MPP3: variants seen among roughly 807,000 people sequenced by gnomAD.
MPP3 encodes the protein MAGUK p55 subfamily member 3.
Under a neutral mutation model 80.7 loss-of-function variants are expected in MPP3, and 48 were observed. That is an observed-to-expected ratio of 0.59 (90% CI 0.47 to 0.76). MPP3 has a LOEUF of 0.76. Among genes scored for constraint, MPP3 ranks in the 30% least tolerant of loss-of-function variants. The pLI, the probability that MPP3 is intolerant of heterozygous loss-of-function variation, is 0.00. For missense variants in MPP3, 620 were observed against 763.0 expected, an observed-to-expected ratio of 0.81 and a Z score of 2.21; for synonymous variants, 311 against 297.6, an observed-to-expected ratio of 1.04 and a Z score of -0.46.
At chr17:43,802,277 A>C (rs1481584826) in intron 19 of MPP3, among the ~76,000 whole-genome samples, 2 of 152,240 alleles carry the variant, frequency 1.3e-5, no homozygotes, top group Non-Finnish European at 2.9e-5. Flanking sequence ...AGGTTAAATA[A>C]TTATAAGAAA....
intron 16 of MPP3, chr17:43,811,414 A>C (rs1307007835): frequency 5.3e-6 from 3 of 565,152 alleles, no homozygotes; most frequent in Non-Finnish European, 9.5e-6. Context: ...TGTAGGCAAA[A>C]GGAGGCTTTT....
chr17:43,824,604 C>T (rs1465352298), intron 9 of MPP3, among the ~76,000 whole-genome samples: 1 of 152,116 alleles, frequency 6.6e-6, no homozygotes, highest in African/African-American at 2.4e-5. Context: ...ACCAGGACAG[C>T]AGGGCCCAAA....
intron 6 of MPP3, 89 bp downstream of exon 6, chr17:43,829,938 T>G: frequency 6.5e-7 from 1 of 1,542,690 alleles, no homozygotes; most frequent in South Asian, 1.1e-5. Flanking sequence ...TCCCTCAGTC[T>G]CCACTCCTCA....
At chr17:43,818,976 C>T (rs1051236541) in intron 11 of MPP3, 1 of 151,918 alleles carries the variant, frequency 6.6e-6, no homozygotes, top group Admixed American at 6.6e-5. Context: ...TCCCCCACAT[C>T]CTCTGGTAAG....
At position 43,817,046 on chromosome 17, in the gene MPP3, ACT is replaced by A. The variant is rs778178792; in HGVS notation, c.947-351_947-350del. On this transcript the variant is annotated intron_variant, in intron 12 of 19. Transcript: ENST00000398389. Reference sequence around the variant, plus strand: ...GGATCCTGCGGTGGGAATAGGACCCACTCTCTCTTTTCTGGGGTTGGAGTCTG... The same window carrying A: ...GGATCCTGCGGTGGGAATAGGACCCACTCTCTTTTCTGGGGTTGGAGTCTG... Among the ~76,000 whole-genome samples the A allele has an allele frequency of 8.6e-5, 13 of 152,010 alleles. No individual in the cohort carries two copies. In the East Asian group the frequency reaches 1.2e-3, roughly 14 times the overall value.
At chr17:43,810,054 G>C (rs746988873) in intron 18 of MPP3, among the ~76,000 whole-genome samples, 31 of 152,168 alleles carry the variant, frequency 2.0e-4, no homozygotes, top group South Asian at 1.5e-3. Context: ...TTTTAATTTT[G>C]ATCACTAACT....
chr17:43,818,317 A>C (rs1455307778), intron 11 of MPP3, among the ~76,000 whole-genome samples: 1 of 152,146 alleles, frequency 6.6e-6, no homozygotes, highest in Non-Finnish European at 1.5e-5. Context: ...GAAGAAACTG[A>C]GTCTCTTGCT....
chr17:43,806,421 C>T (rs1025392744), intron 19 of MPP3, among the ~76,000 whole-genome samples: 7 of 152,158 alleles, frequency 4.6e-5, no homozygotes, highest in African/African-American at 1.7e-4. Context: ...CCACCTCAGC[C>T]TCCCAAAGTG....
At position 43,825,762 on chromosome 17, in the gene MPP3, C is replaced by T; in HGVS notation, c.603G>A (p.Gln201=). ...VLHKRPDEIS[Q]ILAQSQGSIT... The stretch of plus-strand genomic sequence containing the variant: ...GCAGGCTTGTAGCACGGACCAGAAT[C>T]TGGCTGATCTCGTCGGGCCGCTTGT... Residue 201 remains glutamine, a synonymous_variant, in exon 9 of 20, where the codon CAG becomes CAA. Transcript: ENST00000398389. 2 of 1,609,934 alleles carry T rather than the reference C, an allele frequency of 1.2e-6. No homozygotes were observed. The highest frequency in any genetic ancestry group is 1.1e-5 in the South Asian group (1 of 91,002).
chr17:43,829,018 G>A (rs1171477694), intron 7 of MPP3, among the ~76,000 whole-genome samples: 1 of 152,204 alleles, frequency 6.6e-6, no homozygotes, highest in Non-Finnish European at 1.5e-5. Context: ...GGATCCTCTG[G>A]AGCCAATCTC....
At chr17:43,823,697 C>A (rs1366288794) in intron 10 of MPP3, among the ~76,000 whole-genome samples, 1 of 152,202 alleles carries the variant, frequency 6.6e-6, no homozygotes, top group African/African-American at 2.4e-5. Flanking sequence ...ATTAAAATAA[C>A]CTTGTCTTTT....
In MPP3 at chr17:43,825,739, A is replaced by G; in HGVS notation, c.609+17T>C. On this transcript the variant is annotated intron_variant, in intron 9 of 19. Coordinates refer to ENST00000398389, the MANE Select transcript of MPP3 (RefSeq NM_001932.6). ...TCTGAAGACCCAGCACATCCCTAGCAGGCTTGTAGCACGGACCAGAATCTG... is the reference window on the plus strand; with the variant it reads ...TCTGAAGACCCAGCACATCCCTAGCGGGCTTGTAGCACGGACCAGAATCTG... 6.4e-7 allele frequency: 1 copy of G among 1,562,350 alleles called. No homozygotes were observed. Among genetic ancestry groups the G allele is most frequent in the Non-Finnish European group, 8.8e-7 (1 of 1,132,570 alleles).
At chr17:43,821,137 G>A (rs1195112293) in intron 10 of MPP3, 79 bp from the exon 11 acceptor site, 5 of 1,393,340 alleles carry the variant, frequency 3.6e-6, no homozygotes, top group Non-Finnish European at 5.0e-6. Flanking sequence ...AAGGCCACAT[G>A]ACAACGACCA....
intron 10 of MPP3, among the ~76,000 whole-genome samples, chr17:43,822,582 C>G (rs1298152088): frequency 6.6e-6 from 1 of 150,704 alleles, no homozygotes; most frequent in Non-Finnish European, 1.5e-5. Flanking sequence ...TTCTACCAGG[C>G]CTCCCTGCCT....
chr17:43,824,490 C>T (rs933585584), intron 9 of MPP3, among the ~76,000 whole-genome samples: 3 of 152,188 alleles, frequency 2.0e-5, no homozygotes, highest in Non-Finnish European at 4.4e-5. Flanking sequence ...TTCCATCTCC[C>T]CAGTCTCAGG....
Position 43,830,115 on chromosome 17 carries a change from G to C in MPP3, c.223-8C>G. On this transcript the variant is annotated splice_polypyrimidine_tract_variant and splice_region_variant and intron_variant, in intron 5 of 19. Transcript: ENST00000398389. ...CTGCAACTCCTCCATCACCTGCAGAGAATGAGACAGGCGCCACTGATGGCT... is the reference window on the plus strand; with the variant it reads ...CTGCAACTCCTCCATCACCTGCAGACAATGAGACAGGCGCCACTGATGGCT... 18 of 1,523,800 alleles carry C rather than the reference G, an allele frequency of 1.2e-5. No individual in the cohort carries two copies. The highest frequency in any genetic ancestry group is 1.6e-5 in the Non-Finnish European group (18 of 1,136,188). The allele number at this position is 1,523,800 out of a possible 1,614,324, so 94.4% of individuals were successfully genotyped here. A position where few individuals can be genotyped will look rare whatever the true frequency, so the allele number is the denominator to read the frequency against.
rs1037184473 is a variant in MPP3 at position 43,814,397 on chromosome 17, G to A, written c.1010-36C>T. The A allele has an allele frequency of 2.6e-6, 4 of 1,554,894 alleles. No homozygotes were observed. The East Asian group carries it at 9.0e-5, about 35-fold the overall frequency. ...GGGGCAGAGGGACACCATGGCATTT[G>A]TCCCAGTTGTCCCAGGATCTCCCAG... On this transcript the variant is annotated intron_variant, in intron 14 of 19. Transcript: ENST00000398389.
At chr17:43,831,780 A>C in intron 3 of MPP3, 102 bp downstream of exon 3, 1 of 1,435,116 alleles carries the variant, frequency 7.0e-7, no homozygotes. Context: ...TCCTGCCGTG[A>C]GGACATTCTC....
chr17:43,820,638 ACATT>A (rs1183123343), intron 11 of MPP3, among the ~76,000 whole-genome samples: 100 of 150,910 alleles, frequency 6.6e-4, no homozygotes, highest in Non-Finnish European at 1.2e-3. Context: ...ACACACACAC[ACATT>A]AACTTAATAA....
Sources: allele counts gnomAD v4.1 joint callset (sites outside exome capture counted in the v4.1 genomes callset), GRCh38; gene constraint gnomAD v4.1.1; transcripts MANE v1.5; gene names NCBI Gene and HGNC (gene_info 2026-07-23, HGNC 2026-07-21).